Variants in NEGR1 observed in about 807,000 individuals in gnomAD.
NEGR1 encodes the protein IgLON family member 4.
In NEGR1, 10 loss-of-function variants were observed where a neutral mutation model predicts 40.9. The ratio of observed to expected loss-of-function variants is 0.24; its 90% confidence interval spans 0.15 to 0.42. The LOEUF (loss-of-function observed/expected upper bound fraction) is 0.42. Among genes scored for constraint, NEGR1 ranks in the 10% least tolerant of loss-of-function variants. The pLI, the probability that NEGR1 is intolerant of heterozygous loss-of-function variation, is 1.00. For synonymous variants in NEGR1, 185 were observed against 166.8 expected (o/e 1.11, Z -0.84); for missense variants, 352 against 438.9 (o/e 0.80, Z 1.77).
intron 5 of NEGR1, among the ~76,000 whole-genome samples, chr1:71,599,424 G>A (rs1432629458): frequency 2.0e-5 from 3 of 152,110 alleles, no homozygotes; most frequent in Admixed American, 1.3e-4. Flanking sequence ...GCTTTTCACA[G>A]ATTTAACAAA....
Position 71,613,588 on chromosome 1 carries a change from C to G in NEGR1, c.668-2442G>C, listed in dbSNP as rs149614749. On this transcript the variant is annotated intron_variant, in intron 4 of 6. Coordinates refer to ENST00000357731, the MANE Select transcript of NEGR1 (RefSeq NM_173808.3). ...AGGAGAATCGCTTGAACCCGGGAGG[C>G]AGAGGTTGCAGTGAATTGAGACTGC... Among the ~76,000 whole-genome samples the G allele has an allele frequency of 4.6e-3, 694 of 150,602 alleles. 10 individuals carry two copies. Among genetic ancestry groups the G allele is most frequent in the Non-Finnish European group, 3.7e-3 (254 of 67,818 alleles).
At chr1:71,663,743 T>C (rs1652146982) in intron 4 of NEGR1, among the ~76,000 whole-genome samples, 1 of 152,216 alleles carries the variant, frequency 6.6e-6, no homozygotes, top group Non-Finnish European at 1.5e-5. Context: ...TCATACATGA[T>C]TGATAGTTTG....
rs558556535 is a variant in NEGR1, at chr1:71,945,238, C to T, written c.177-9927G>A. On this transcript the variant is annotated intron_variant, in intron 1 of 6. Transcript: ENST00000357731. The stretch of plus-strand genomic sequence containing the variant: ...CTGTAAGATGGGGTTAGTAAAAGTA[C>T]TTACTTGACAAAATTGTTATGAGGA... Among the ~76,000 whole-genome samples, 21 of 152,128 alleles carry T rather than the reference C, an allele frequency of 1.4e-4. No homozygotes were observed. The East Asian group carries it at 2.7e-3, about 20-fold the overall frequency.
At chr1:72,123,636 G>T (rs7517387) in intron 1 of NEGR1, among the ~76,000 whole-genome samples, 33,737 of 151,536 alleles carry the variant, frequency 0.22, 4,389 homozygotes, top group Non-Finnish European at 0.29. Context: ...AAGCTCTGTG[G>T]GAGGACATGT....
rs562080377 is a variant in NEGR1, at chr1:72,093,430, T to C, written c.177-158119A>G. ...TACAAATATTCTCTCAAAAAACTTATGTAATTGGCTTCTGAGTTCTCATAG... is the reference window on the plus strand; with the variant it reads ...TACAAATATTCTCTCAAAAAACTTACGTAATTGGCTTCTGAGTTCTCATAG... On this transcript the variant is annotated intron_variant, in intron 1 of 6. Coordinates refer to ENST00000357731, the MANE Select transcript of NEGR1 (RefSeq NM_173808.3). 3.9e-5 allele frequency among the ~76,000 whole-genome samples: 6 copies of C among 152,236 alleles called. No homozygotes were observed. The South Asian group carries it at 8.3e-4, about 21-fold the overall frequency.
At chr1:72,258,131 A>G (rs992640543) in intron 1 of NEGR1, among the ~76,000 whole-genome samples, 4 of 152,192 alleles carry the variant, frequency 2.6e-5, no homozygotes, top group Non-Finnish European at 5.9e-5. Flanking sequence ...GCTATGACTC[A>G]GTAGTTCTCA....
At chr1:71,565,263 C>T (rs895573231) in intron 6 of NEGR1, among the ~76,000 whole-genome samples, 4 of 152,008 alleles carry the variant, frequency 2.6e-5, no homozygotes, top group African/African-American at 9.7e-5. Context: ...CTTGGGGTTA[C>T]TAGGGAATTA....
chr1:72,193,469 A>G (rs1240496037), intron 1 of NEGR1, among the ~76,000 whole-genome samples: 1 of 151,876 alleles, frequency 6.6e-6, no homozygotes, highest in East Asian at 1.9e-4. Flanking sequence ...TGCATTATAA[A>G]GCTAATTATA....
intron 1 of NEGR1, among the ~76,000 whole-genome samples, chr1:72,228,286 G>T (rs943895560): frequency 3.3e-5 from 5 of 152,152 alleles, no homozygotes; most frequent in Non-Finnish European, 7.4e-5. Flanking sequence ...ATCTGTTTGA[G>T]GGCCTTAAGA....
chr1:71,652,028 G>T (rs1431849638), intron 4 of NEGR1, among the ~76,000 whole-genome samples: 1 of 152,044 alleles, frequency 6.6e-6, no homozygotes, highest in Non-Finnish European at 1.5e-5. Flanking sequence ...TATGAGGTGG[G>T]ATTTATTTGT....
At chr1:72,179,169 T>C (rs1478220700) in intron 1 of NEGR1, among the ~76,000 whole-genome samples, 1 of 152,028 alleles carries the variant, frequency 6.6e-6, no homozygotes, top group Non-Finnish European at 1.5e-5. Context: ...CCATCTTGAG[T>C]TGATTTTTGT....
chr1:71,730,284 A>G (rs186325159), intron 3 of NEGR1, among the ~76,000 whole-genome samples: 1 of 152,162 alleles, frequency 6.6e-6, no homozygotes, highest in African/African-American at 2.4e-5. Flanking sequence ...ATTAGTAGTG[A>G]AAACAACAGG....
At chr1:71,855,769 T>G (rs1033071078) in intron 2 of NEGR1, among the ~76,000 whole-genome samples, 1 of 152,042 alleles carries the variant, frequency 6.6e-6, no homozygotes, top group African/African-American at 2.4e-5. Context: ...ATCATTGTTT[T>G]AATAGATGCT....
At chr1:71,548,380 C>T (rs930735573) in intron 6 of NEGR1, among the ~76,000 whole-genome samples, 1 of 151,634 alleles carries the variant, frequency 6.6e-6, no homozygotes, top group African/African-American at 2.4e-5. Flanking sequence ...ACCCTCCATG[C>T]TGCCACCAAA....
chr1:71,806,848 A>G lies in NEGR1; in HGVS notation c.410-30551T>C, dbSNP rs1244279404. Among the ~76,000 whole-genome samples, 8 of 150,974 alleles carry G rather than the reference A, an allele frequency of 5.3e-5. No individual in the cohort carries two copies. In the East Asian group the frequency reaches 1.6e-3, roughly 29 times the overall value. On this transcript the variant is annotated intron_variant, in intron 2 of 6. Transcript: ENST00000357731. ...TTTAATCCCCATCCTACATCCTAGCATACCACACAAACTTAAGTACTGCGC... is the reference window on the plus strand; with the variant it reads ...TTTAATCCCCATCCTACATCCTAGCGTACCACACAAACTTAAGTACTGCGC...
At chr1:71,916,747 ACT>A (rs903885777) in intron 2 of NEGR1, among the ~76,000 whole-genome samples, 14 of 152,172 alleles carry the variant, frequency 9.2e-5, no homozygotes, top group African/African-American at 3.4e-4. Flanking sequence ...CAAGAGTGAA[ACT>A]CTGTAAAAAA....
At chr1:71,958,638 C>T (rs147793548) in intron 1 of NEGR1, among the ~76,000 whole-genome samples, 23 of 152,258 alleles carry the variant, frequency 1.5e-4, no homozygotes, top group African/African-American at 5.5e-4. Context: ...CTACAGCTGA[C>T]AAGAACTAAT....
chr1:72,154,195 T>A (rs1651271215), intron 1 of NEGR1, among the ~76,000 whole-genome samples: 1 of 151,676 alleles, frequency 6.6e-6, no homozygotes, highest in Admixed American at 6.6e-5. Context: ...TTTGATGCAA[T>A]GAAGAGGGAG....
At chr1:71,643,640 T>C (rs894034796) in intron 4 of NEGR1, among the ~76,000 whole-genome samples, 1 of 152,032 alleles carries the variant, frequency 6.6e-6, no homozygotes, top group Non-Finnish European at 1.5e-5. Context: ...ATTCCAATCA[T>C]GATCAAACAC....
Sources: allele counts gnomAD v4.1 joint callset (sites outside exome capture counted in the v4.1 genomes callset), GRCh38; gene constraint gnomAD v4.1.1; transcripts MANE v1.5; gene names NCBI Gene and HGNC (gene_info 2026-07-23, HGNC 2026-07-21).